RASGRP4: variants seen among roughly 807,000 people sequenced by gnomAD.
The protein encoded by RASGRP4 is RAS guanyl releasing protein 4, also known as RAS guanyl-releasing protein 4.
Under a neutral mutation model 84.4 loss-of-function variants are expected in RASGRP4, and 52 were observed. That is an observed-to-expected ratio of 0.62 (90% CI 0.49 to 0.78). RASGRP4 has a LOEUF of 0.78. Among genes scored for constraint, RASGRP4 ranks in the 30% least tolerant of loss-of-function variants. The pLI is 0.00. For missense variants in RASGRP4, 760 were observed against 886.9 expected, an observed-to-expected ratio of 0.86 and a Z score of 1.82; for synonymous variants, 356 against 359.1, an observed-to-expected ratio of 0.99 and a Z score of 0.10.
At chr19:38,411,883 T>C (rs1222044427) in intron 13 of RASGRP4, among the ~76,000 whole-genome samples, 1 of 152,160 alleles carries the variant, frequency 6.6e-6, no homozygotes, top group Non-Finnish European at 1.5e-5. Flanking sequence ...AAATATTTCA[T>C]GAATGAATAA....
rs538494260 is a variant in RASGRP4, at chr19:38,413,542, G to A, written c.1231-68C>T. The A allele has an allele frequency of 1.2e-4, 157 of 1,331,016 alleles. 1 individual carries two copies. In the East Asian group the frequency reaches 2.8e-3, roughly 24 times the overall value. The allele number at this position is 1,331,016 out of a possible 1,614,324, so 82.5% of individuals were successfully genotyped here. ...CTGCCCCAGACCCCCACACCCACTC[G>A]CAGGCTCTTCCCAAAGCCCCTCCTG... On this transcript the variant is annotated intron_variant, in intron 9 of 16. Coordinates refer to ENST00000615439, the MANE Select transcript of RASGRP4 (RefSeq NM_170604.3). This position sits in a 1 kb window ranked among gnomAD's most constrained non-coding sequence, Gnocchi z 4.7.
At position 38,417,090 on chromosome 19, in the gene RASGRP4, T is replaced by C. The variant is rs1313574694; in HGVS notation, c.916A>G (p.Lys306Glu). 1 of 1,563,712 alleles carries C rather than the reference T, an allele frequency of 6.4e-7. No homozygotes were observed. The highest frequency in any genetic ancestry group is 8.7e-7 in the Non-Finnish European group (1 of 1,153,798). ...GLCHSAISRL[K>E]DSHAHLSPDS... Reference sequence around the variant, plus strand: ...GGGCTCAGGTGGGCATGGGAGTCCTTGAGTCTGGAGATGGCACTGTGACAC... The same window carrying C: ...GGGCTCAGGTGGGCATGGGAGTCCTCGAGTCTGGAGATGGCACTGTGACAC... The change falls in exon 8 of 17, where the codon AAG becomes GAG. Residue 306 changes from lysine to glutamate, a missense_variant. Coordinates refer to ENST00000615439, the MANE Select transcript of RASGRP4 (RefSeq NM_170604.3). The surrounding 1 kb of genome is among the most constrained non-coding windows in gnomAD (Gnocchi z 5.1).
At chr19:38,424,028 C>T (rs1431125807) in intron 1 of RASGRP4, among the ~76,000 whole-genome samples, 3 of 152,104 alleles carry the variant, frequency 2.0e-5, no homozygotes, top group African/African-American at 4.8e-5. Context: ...GTTGTGACTT[C>T]GTGTTAGTCA....
chr19:38,410,225 G>A, intron 16 of RASGRP4, 129 bp from the exon 17 acceptor site: 1 of 657,814 alleles, frequency 1.5e-6, no homozygotes. Flanking sequence ...GTCCCCTGTG[G>A]AATCCTTTTT....
chr19:38,420,732 G>A (rs537818076), intron 4 of RASGRP4, among the ~76,000 whole-genome samples, 176 bp downstream of exon 4: 7 of 151,958 alleles, frequency 4.6e-5, no homozygotes, highest in Non-Finnish European at 7.4e-5. Context: ...TCTAAGGAAC[G>A]GAACTAAGAG....
At chr19:38,411,284 T>C in intron 14 of RASGRP4, 35 bp from the exon 15 acceptor site, 2 of 1,613,298 alleles carry the variant, frequency 1.2e-6, no homozygotes, top group Non-Finnish European at 1.7e-6. Context: ...CCGATCTGTG[T>C]CATCCATTCT....
At position 38,419,915 on chromosome 19, in the gene RASGRP4, C is replaced by T; in HGVS notation, c.608G>A (p.Gly203Glu). 1.9e-6 allele frequency: 3 copies of T among 1,612,116 alleles called. No individual in the cohort carries two copies. The highest frequency in any genetic ancestry group is 1.1e-5 in the South Asian group (1 of 90,706). Residue 203 changes from glycine (G) to glutamate (E), a missense_variant, in exon 6 of 17, where the codon GGG becomes GAG. By Grantham distance (98) the Gly-to-Glu change is moderately conservative. Transcript: ENST00000615439. Reference protein sequence around the residue: ...VSLLFDHLETGELAQHLTYLE... With the variant: ...VSLLFDHLETEELAQHLTYLE... ...GTAGGTGAGGTGCTGAGCCAGCTCC[C>T]CCGTCTCCAAGTGGTCGAAAAGCAA...
intron 16 of RASGRP4, among the ~76,000 whole-genome samples, chr19:38,410,452 A>C (rs1353846804): frequency 7.0e-6 from 1 of 142,878 alleles, no homozygotes; most frequent in Non-Finnish European, 1.5e-5. Context: ...TTGCTCTGTC[A>C]CCTAGGCTGG....
chr19:38,415,310 G>A (rs978350814), intron 8 of RASGRP4, among the ~76,000 whole-genome samples, 187 bp from the exon 9 acceptor site: 9 of 151,738 alleles, frequency 5.9e-5, no homozygotes, highest in African/African-American at 2.2e-4. Context: ...CCATCTCAGA[G>A]AAGTTCCACA....
At chr19:38,425,128 T>C (rs1277687761) in intron 1 of RASGRP4, among the ~76,000 whole-genome samples, 1 of 146,910 alleles carries the variant, frequency 6.8e-6, no homozygotes, top group African/African-American at 2.5e-5. Flanking sequence ...GAGGTTGCAG[T>C]GAGCCAAGAT....
At chr19:38,411,447 G>T in intron 13 of RASGRP4, 66 bp from the exon 14 acceptor site, 1 of 1,416,784 alleles carries the variant, frequency 7.1e-7, no homozygotes, top group Non-Finnish European at 9.5e-7. Flanking sequence ...TGGCAGGGCA[G>T]CTGGGGAGTG....
chr19:38,409,924 G>T lies in RASGRP4; in HGVS notation c.*116C>A. On this transcript the variant is annotated 3_prime_UTR_variant, in exon 17 of 17. Transcript: ENST00000615439. ...CGGACGTACCACTAAAGGCAGTGTG[G>T]ATGGGAAGGCGGATGCCTCTGGAGG... The T allele has an allele frequency of 1.4e-6, 1 of 705,602 alleles. No homozygotes were observed. The highest frequency in any genetic ancestry group is 2.4e-6 in the Non-Finnish European group (1 of 414,356). 43.7% of individuals were successfully genotyped at this position (705,602 alleles called of 1,614,324 possible).
intron 16 of RASGRP4, 25 bp downstream of exon 16, chr19:38,410,860 TG>T (rs1395009865): frequency 1.3e-6 from 2 of 1,491,072 alleles, no homozygotes; most frequent in East Asian, 4.8e-5. Context: ...TGTATCCACT[TG>T]GGGGTAGGGG....
At position 38,413,201 on chromosome 19, in the gene RASGRP4, G is replaced by A. The variant is rs781649734; in HGVS notation, c.1408C>T (p.Leu470=). 3.1e-6 allele frequency: 5 copies of A among 1,613,226 alleles called. No homozygotes were observed. The highest frequency in any genetic ancestry group is 3.3e-5 in the Admixed American group (2 of 59,994). Reference sequence around the variant, plus strand: ...CACCCTCCCCTCCTTACCTCCACCAGCTGCTCCACATGCCGACCCAGTGTG... The same window carrying A: ...CACCCTCCCCTCCTTACCTCCACCAACTGCTCCACATGCCGACCCAGTGTG... ...RVTLGRHVEQ[L]VESVFKNYDP... is the part of the protein sequence containing the mutation. The change falls in exon 11 of 17, where the codon CTG becomes TTG. Residue 470 remains leucine, a synonymous_variant. Coordinates refer to ENST00000615439, the MANE Select transcript of RASGRP4 (RefSeq NM_170604.3). The surrounding 1 kb of genome is among the most constrained non-coding windows in gnomAD (Gnocchi z 4.7).
At chr19:38,410,683 G>C (rs1004649175) in intron 16 of RASGRP4, among the ~76,000 whole-genome samples, 1 of 151,990 alleles carries the variant, frequency 6.6e-6, no homozygotes, top group African/African-American at 2.4e-5. Context: ...CGAAGTCCTG[G>C]GATTACAAGC....
At chr19:38,423,653 A>G (rs950932394) in intron 1 of RASGRP4, among the ~76,000 whole-genome samples, 1 of 151,494 alleles carries the variant, frequency 6.6e-6, no homozygotes, top group Non-Finnish European at 1.5e-5. Flanking sequence ...CCTGGCCAAC[A>G]TGGTGAAACC....
intron 1 of RASGRP4, among the ~76,000 whole-genome samples, chr19:38,423,682 C>G (rs1274454798): frequency 6.6e-6 from 1 of 151,580 alleles, no homozygotes; most frequent in East Asian, 1.9e-4. Flanking sequence ...ATTAAAAATA[C>G]AAAAATTAGC....
chr19:38,421,389 C>A (rs946530131), intron 2 of RASGRP4, among the ~76,000 whole-genome samples, 189 bp from the exon 3 acceptor site: 1 of 152,190 alleles, frequency 6.6e-6, no homozygotes, highest in African/African-American at 2.4e-5. Context: ...GGCAGCATCA[C>A]CCCTGGCAAG....
In RASGRP4 at chr19:38,417,265, G is replaced by A; in HGVS notation, c.838-97C>T. ...CCAGTTGAGGTGGGGTCCCAGGCAT[G>A]TGTGGACCAATGTGGGGATCAGACA... is the stretch of plus-strand genomic sequence containing the variant. On this transcript the variant is annotated intron_variant, in intron 7 of 16. Transcript: ENST00000615439. This position sits in a 1 kb window ranked among gnomAD's most constrained non-coding sequence, Gnocchi z 5.1. 2 of 769,622 alleles carry A rather than the reference G, an allele frequency of 2.6e-6. No individual in the cohort carries two copies. The highest frequency in any genetic ancestry group is 4.5e-6 in the Non-Finnish European group (2 of 443,574). 47.7% of individuals were successfully genotyped at this position (769,622 alleles called of 1,614,324 possible).
Sources: allele counts gnomAD v4.1 joint callset (sites outside exome capture counted in the v4.1 genomes callset), GRCh38; gene constraint gnomAD v4.1.1; non-coding constraint Gnocchi (gnomAD v3.1); transcripts MANE v1.5; gene names NCBI Gene and HGNC (gene_info 2026-07-23, HGNC 2026-07-21).